TMTC2: variants seen among roughly 807,000 people sequenced by gnomAD.
TMTC2 encodes the protein protein O-mannosyl-transferase TMTC2.
A neutral mutation model predicts 82.4 loss-of-function variants in TMTC2; 43 were observed. The observed-to-expected ratio is 0.52, with a 90% confidence interval of 0.41 to 0.67. The LOEUF is 0.67. Among genes scored for constraint, TMTC2 ranks in the 30% least tolerant of loss-of-function variants. The probability of loss-of-function intolerance (pLI) is 0.00; values close to 1 mark genes in which losing one functional copy is unlikely to be tolerated. For synonymous variants in TMTC2, 408 were observed against 381.9 expected (o/e 1.07, Z -0.80); for missense variants, 919 against 1,012.4 (o/e 0.91, Z 1.25).
intron 4 of TMTC2, among the ~76,000 whole-genome samples, chr12:82,963,423 C>G (rs1266601355): frequency 6.6e-6 from 1 of 151,662 alleles, no homozygotes; most frequent in East Asian, 1.9e-4. Context: ...CCCTGGTGCA[C>G]TTACCCTTCT....
At chr12:83,100,997 A>G (rs998766917) in intron 11 of TMTC2, among the ~76,000 whole-genome samples, 1 of 152,204 alleles carries the variant, frequency 6.6e-6, no homozygotes, top group Admixed American at 6.5e-5. Context: ...TGTTTTCCTC[A>G]TATTTCAGCA....
At chr12:82,886,817 A>G (rs1260463840) in intron 2 of TMTC2, among the ~76,000 whole-genome samples, 1 of 152,180 alleles carries the variant, frequency 6.6e-6, no homozygotes, top group Non-Finnish European at 1.5e-5. Context: ...AATCACATGG[A>G]TATGTTCTAG....
intron 8 of TMTC2, among the ~76,000 whole-genome samples, chr12:83,030,514 C>G (rs1223681413): frequency 6.6e-6 from 1 of 151,746 alleles, no homozygotes; most frequent in Non-Finnish European, 1.5e-5. Flanking sequence ...TCTGTGAGAC[C>G]TTTTTTGTTT....
intron 2 of TMTC2, among the ~76,000 whole-genome samples, chr12:82,884,725 C>T (rs1015223960): frequency 1.3e-5 from 2 of 152,142 alleles, no homozygotes; most frequent in East Asian, 1.9e-4. Flanking sequence ...TAGTGTTGTG[C>T]ATTTGTTGCA....
intron 1 of TMTC2, among the ~76,000 whole-genome samples, chr12:82,837,988 T>G (rs2137085392): frequency 6.6e-6 from 1 of 152,316 alleles, no homozygotes; most frequent in East Asian, 1.9e-4. Context: ...TGAAAATCTT[T>G]ATTTACATCA....
intron 1 of TMTC2, among the ~76,000 whole-genome samples, chr12:82,853,100 G>GC (rs1565778832): frequency 6.6e-6 from 1 of 150,636 alleles, no homozygotes; most frequent in Non-Finnish European, 1.5e-5. Context: ...GTGTTTCAAA[G>GC]TTTTTTTTCT....
Position 83,013,677 on chromosome 12 carries a change from A to T in TMTC2, c.2071-17121A>T, listed in dbSNP as rs191778268. Among the ~76,000 whole-genome samples the T allele has an allele frequency of 2.2e-4, 34 of 152,336 alleles. No homozygotes were observed. In the East Asian group the frequency reaches 3.9e-3, roughly 17 times the overall value. ...ATGTGAAATATGACTGATTTGAATA[A>T]AATAGTATTTTGAGTAACCTAATTT... On this transcript the variant is annotated intron_variant, in intron 8 of 11. Transcript: ENST00000321196.
At chr12:82,886,926 AAGG>A (rs1008707377) in intron 2 of TMTC2, among the ~76,000 whole-genome samples, 1 of 152,134 alleles carries the variant, frequency 6.6e-6, no homozygotes, top group Admixed American at 6.5e-5. Flanking sequence ...CTATTTTGGG[AAGG>A]AGGAGAGCTA....
intron 8 of TMTC2, among the ~76,000 whole-genome samples, chr12:83,014,109 T>C (rs1880570990): frequency 6.6e-6 from 1 of 152,202 alleles, no homozygotes; most frequent in East Asian, 1.9e-4. Context: ...GAAGTTCTTT[T>C]AGATTACAAA....
At chr12:82,914,830 T>A (rs1043162526) in intron 3 of TMTC2, among the ~76,000 whole-genome samples, 1 of 146,172 alleles carries the variant, frequency 6.8e-6, no homozygotes, top group Non-Finnish European at 1.5e-5. Flanking sequence ...TTTTTTTTTT[T>A]TTTTTTTTTT....
chr12:82,976,718 A>G (rs1394481275), intron 7 of TMTC2, among the ~76,000 whole-genome samples: 1 of 152,074 alleles, frequency 6.6e-6, no homozygotes, highest in Non-Finnish European at 1.5e-5. Flanking sequence ...TGACTGCTAA[A>G]AGTTACACCA....
At chr12:82,959,229 A>G (rs907775974) in intron 4 of TMTC2, among the ~76,000 whole-genome samples, 11 of 152,204 alleles carry the variant, frequency 7.2e-5, no homozygotes, top group African/African-American at 2.7e-4. Context: ...AAGAATCAAT[A>G]TCATTAAAAT....
chr12:82,801,572 C>A (rs2137036552), intron 1 of TMTC2, among the ~76,000 whole-genome samples: 1 of 152,234 alleles, frequency 6.6e-6, no homozygotes, highest in Admixed American at 6.5e-5. Flanking sequence ...TGACAGATTG[C>A]TGATTAGTGC....
At chr12:82,990,633 A>C (rs12301081) in intron 8 of TMTC2, among the ~76,000 whole-genome samples, 36 of 152,052 alleles carry the variant, frequency 2.4e-4, no homozygotes, top group African/African-American at 7.0e-4. Context: ...ATAGAATGAC[A>C]CATACATATG....
At chr12:82,909,434 G>C (rs554663753) in intron 3 of TMTC2, among the ~76,000 whole-genome samples, 8 of 152,220 alleles carry the variant, frequency 5.3e-5, no homozygotes, top group African/African-American at 1.9e-4. Context: ...CCACCTCCCA[G>C]GTTCAAGTGA....
intron 11 of TMTC2, among the ~76,000 whole-genome samples, chr12:83,106,114 A>C (rs1884383580): frequency 6.6e-6 from 1 of 152,198 alleles, no homozygotes; most frequent in South Asian, 2.1e-4. Context: ...ATTTCTTAGG[A>C]GGCCACACAG....
chr12:82,933,150 T>C (rs1399047203), intron 4 of TMTC2, among the ~76,000 whole-genome samples: 1 of 152,206 alleles, frequency 6.6e-6, no homozygotes, highest in Admixed American at 6.5e-5. Context: ...ACCACACTTA[T>C]CTGTCACCCT....
intron 1 of TMTC2, among the ~76,000 whole-genome samples, chr12:82,712,227 C>T (rs372817270): frequency 3.3e-5 from 5 of 152,014 alleles, no homozygotes; most frequent in African/African-American, 7.2e-5. Flanking sequence ...GCCAGGAGTT[C>T]GAGACCAGCC....
chr12:82,794,425 G>A (rs1878621312), intron 1 of TMTC2, among the ~76,000 whole-genome samples: 1 of 152,132 alleles, frequency 6.6e-6, no homozygotes, highest in East Asian at 1.9e-4. Flanking sequence ...ACATTTCATA[G>A]AGCAGGCCAA....
Sources: allele counts gnomAD v4.1 joint callset (sites outside exome capture counted in the v4.1 genomes callset), GRCh38; gene constraint gnomAD v4.1.1; transcripts MANE v1.5; gene names NCBI Gene and HGNC (gene_info 2026-07-23, HGNC 2026-07-21).